Variants in SH3BGR observed in about 807,000 individuals in gnomAD.
The protein encoded by SH3BGR is SH3 domain-binding glutamic acid-rich protein.
A neutral mutation model predicts 24.5 loss-of-function variants in SH3BGR; 29 were observed. The observed-to-expected ratio is 1.18, with a 90% CI of 0.88 to 1.61. The LOEUF (loss-of-function observed/expected upper bound fraction) is 1.61. Among genes scored for constraint, SH3BGR ranks in the 40% most tolerant of loss-of-function variants. The pLI is 0.00. For missense variants in SH3BGR, 162 were observed against 205.8 expected (o/e 0.79, Z 1.30); for synonymous variants, 55 against 65.7 (o/e 0.84, Z 0.79).
intron 4 of SH3BGR, among the ~76,000 whole-genome samples, chr21:39,507,896 C>T (rs552690633): frequency 1.3e-5 from 2 of 152,202 alleles, no homozygotes; most frequent in Admixed American, 6.5e-5. Context: ...GCTGGGATTA[C>T]AGGCATGAGC....
chr21:39,453,380 A>G (rs1470288276), intron 1 of SH3BGR, among the ~76,000 whole-genome samples: 1 of 151,946 alleles, frequency 6.6e-6, no homozygotes, highest in Non-Finnish European at 1.5e-5. Flanking sequence ...ATCTAGAAGG[A>G]GTAAATTTTT....
At position 39,460,154 on chromosome 21, in the gene SH3BGR, A is replaced by G. The variant is rs148893511; in HGVS notation, c.46-2221A>G. Reference sequence around the variant, plus strand: ...ACCATGTTCCCTTAGGTGTGGCTGCACTGAACTCAGAGAGGAGCCAGGTGT... The same window carrying G: ...ACCATGTTCCCTTAGGTGTGGCTGCGCTGAACTCAGAGAGGAGCCAGGTGT... On this transcript the variant is annotated intron_variant, in intron 1 of 6. Transcript: ENST00000333634. Among the ~76,000 whole-genome samples, 383 of 152,310 alleles carry G rather than the reference A, an allele frequency of 2.5e-3. 2 individuals carry two copies. Among genetic ancestry groups the G allele is most frequent in the African/African-American group, 8.9e-3 (371 of 41,576 alleles).
At chr21:39,496,223 G>A (rs1008651461) in intron 3 of SH3BGR, among the ~76,000 whole-genome samples, 53 of 152,228 alleles carry the variant, frequency 3.5e-4, no homozygotes, top group Admixed American at 2.0e-4. Context: ...TTATTTGGCC[G>A]GGCGCGGTGG....
intron 3 of SH3BGR, among the ~76,000 whole-genome samples, chr21:39,478,140 T>A (rs1278933287): frequency 6.6e-6 from 1 of 152,156 alleles, no homozygotes; most frequent in Non-Finnish European, 1.5e-5. Context: ...TTCTGAATAT[T>A]AAAAAAATAA....
intron 1 of SH3BGR, among the ~76,000 whole-genome samples, chr21:39,460,486 A>G (rs1219036299): frequency 6.6e-6 from 1 of 152,102 alleles, no homozygotes; most frequent in Non-Finnish European, 1.5e-5. Flanking sequence ...AAATTAAACT[A>G]AAAAATTTTT....
intron 2 of SH3BGR, among the ~76,000 whole-genome samples, chr21:39,471,832 A>G (rs2077946484): frequency 6.6e-6 from 1 of 152,122 alleles, no homozygotes; most frequent in African/African-American, 2.4e-5. Context: ...TAATCCACAT[A>G]TTGGGTTTTA....
chr21:39,459,607 A>T (rs1318552657), intron 1 of SH3BGR, among the ~76,000 whole-genome samples: 1 of 151,902 alleles, frequency 6.6e-6, no homozygotes, highest in Non-Finnish European at 1.5e-5. Flanking sequence ...ATCATAGCTC[A>T]TTGCAGCCTC....
At chr21:39,464,736 C>T (rs1182256485) in intron 2 of SH3BGR, among the ~76,000 whole-genome samples, 1 of 152,094 alleles carries the variant, frequency 6.6e-6, no homozygotes, top group Admixed American at 6.6e-5. Flanking sequence ...TCCTCCTCAC[C>T]CCTCGCTCCT....
chr21:39,510,043 C>T (rs1160735654), intron 5 of SH3BGR, among the ~76,000 whole-genome samples: 1 of 129,408 alleles, frequency 7.7e-6, no homozygotes, highest in Admixed American at 7.4e-5. Flanking sequence ...CCCAGGTTCA[C>T]GCCATTCTCC....
chr21:39,512,192 C>G (rs529969806), intron 6 of SH3BGR, among the ~76,000 whole-genome samples: 25 of 152,320 alleles, frequency 1.6e-4, no homozygotes, highest in African/African-American at 5.8e-4. Flanking sequence ...AACTCCTCCA[C>G]CAACCACATG....
chr21:39,451,103 G>T (rs2077569175), upstream of SH3BGR, among the ~76,000 whole-genome samples: 1 of 152,144 alleles, frequency 6.6e-6, no homozygotes, highest in African/African-American at 2.4e-5. Context: ...TTACAGGTGT[G>T]AGACACTGCC....
chr21:39,475,688 C>T (rs2837042), intron 3 of SH3BGR, among the ~76,000 whole-genome samples: 22,764 of 152,116 alleles, frequency 0.15, 1,986 homozygotes, highest in South Asian at 0.21. Context: ...CTCGATTCAA[C>T]GACAAGGTAG....
chr21:39,450,462 G>T (rs1009224562), upstream of SH3BGR, among the ~76,000 whole-genome samples: 1 of 152,186 alleles, frequency 6.6e-6, no homozygotes, highest in Non-Finnish European at 1.5e-5. Flanking sequence ...ACCTACCTGA[G>T]GGGGTGGGAA....
chr21:39,461,604 T>A (rs920138224), intron 1 of SH3BGR, among the ~76,000 whole-genome samples: 1 of 152,204 alleles, frequency 6.6e-6, no homozygotes, highest in Non-Finnish European at 1.5e-5. Flanking sequence ...TAGGTTGGGT[T>A]ATAACTCAGT....
At chr21:39,512,212 A>G (rs1385377975) in intron 6 of SH3BGR, among the ~76,000 whole-genome samples, 1 of 152,176 alleles carries the variant, frequency 6.6e-6, no homozygotes, top group Non-Finnish European at 1.5e-5. Flanking sequence ...GTACAACTTT[A>G]GGGGGGTGAC....
rs558596182 is a variant in SH3BGR at position 39,473,976 on chromosome 21, G to GT, written c.232-1152dup. On this transcript the variant is annotated intron_variant, in intron 2 of 6. Transcript: ENST00000333634. ...TGTATTTGGTGTTAAGATTTTGTGG[G>GT]TTTTTTTGTGAGTCAGGGTGTTGCT... Among the ~76,000 whole-genome samples, 832 of 152,130 alleles carry GT rather than the reference G, an allele frequency of 5.5e-3. 4 individuals carry two copies. Among genetic ancestry groups the GT allele is most frequent in the African/African-American group, 0.013 (523 of 41,522 alleles).
chr21:39,453,463 C>T (rs530994967), intron 1 of SH3BGR, among the ~76,000 whole-genome samples: 1 of 152,154 alleles, frequency 6.6e-6, no homozygotes, highest in South Asian at 2.1e-4. Context: ...TGTTGATGCT[C>T]ATTGCTAAAA....
chr21:39,456,982 T>C (rs2077665989), intron 1 of SH3BGR, among the ~76,000 whole-genome samples: 1 of 150,828 alleles, frequency 6.6e-6, no homozygotes. Flanking sequence ...TATAAGTTTA[T>C]ATGTGATTTG....
chr21:39,481,752 A>G (rs189686743), intron 3 of SH3BGR, among the ~76,000 whole-genome samples: 8 of 152,342 alleles, frequency 5.3e-5, no homozygotes, highest in African/African-American at 1.9e-4. Context: ...GGTTGTTGAG[A>G]GTAAACTTTT....
Sources: allele counts gnomAD v4.1 joint callset (sites outside exome capture counted in the v4.1 genomes callset), GRCh38; gene constraint gnomAD v4.1.1; transcripts MANE v1.5; gene names NCBI Gene and HGNC (gene_info 2026-07-23, HGNC 2026-07-21).